The following CFAP69 variants were observed in gnomAD, a reference collection of about 807,000 sequenced individuals.
CFAP69 encodes cilia- and flagella-associated protein 69.
A neutral mutation model predicts 123.0 loss-of-function variants in CFAP69; 92 were observed. The ratio of observed to expected loss-of-function variants is 0.75; its 90% CI spans 0.63 to 0.89. The LOEUF (loss-of-function observed/expected upper bound fraction) is 0.89. Among genes scored for constraint, CFAP69 ranks in the 40% least tolerant of loss-of-function variants. CFAP69 has a pLI of 0.00. For synonymous variants in CFAP69, 380 were observed against 364.3 expected, an observed-to-expected ratio of 1.04 and a Z score of -0.49; for missense variants, 1,067 against 1,096.9, an observed-to-expected ratio of 0.97 and a Z score of 0.39.
At chr7:90,255,214 C>T (rs192221605) in intron 1 of CFAP69, among the ~76,000 whole-genome samples, 9 of 152,282 alleles carry the variant, frequency 5.9e-5, no homozygotes, top group Non-Finnish European at 1.0e-4. Flanking sequence ...TAAGATTATA[C>T]AAAATACTAG....
intron 9 of CFAP69, 43 bp downstream of exon 9, chr7:90,274,153 GT>G (rs760376560): frequency 6.3e-7 from 1 of 1,576,514 alleles, no homozygotes; most frequent in Non-Finnish European, 8.6e-7. Context: ...TGTGGAAGTG[GT>G]GGGCTTGGGT....
intron 21 of CFAP69, among the ~76,000 whole-genome samples, chr7:90,308,843 T>A (rs139196685): frequency 2.0e-5 from 3 of 152,316 alleles, no homozygotes; most frequent in African/African-American, 7.2e-5. Context: ...AATTACATAA[T>A]TTATATTATT....
At position 90,250,462 on chromosome 7, in the gene CFAP69, A is replaced by G. The variant is rs184830242; in HGVS notation, c.120+4918A>G. Among the ~76,000 whole-genome samples, 111 of 152,326 alleles carry G rather than the reference A, an allele frequency of 7.3e-4. 1 individual carries two copies. Among genetic ancestry groups the G allele is most frequent in the African/African-American group, 2.4e-3 (98 of 41,582 alleles). On this transcript the variant is annotated intron_variant, in intron 1 of 22. Transcript: ENST00000389297. ...ATGCCAGACACATGAAAGGACCACTATAAGTGTTAGTCTCTTTCCCTGTAA... is the reference window on the plus strand; with the variant it reads ...ATGCCAGACACATGAAAGGACCACTGTAAGTGTTAGTCTCTTTCCCTGTAA...
At chr7:90,315,985 T>G (rs1282103332), downstream of CFAP69, among the ~76,000 whole-genome samples, 2 of 152,000 alleles carry the variant, frequency 1.3e-5, no homozygotes, top group Non-Finnish European at 2.9e-5. Flanking sequence ...TCCCACCTAC[T>G]TGGGAGGCTG....
downstream of CFAP69, among the ~76,000 whole-genome samples, chr7:90,314,295 T>C (rs1562938118): frequency 6.6e-6 from 1 of 152,154 alleles, no homozygotes; most frequent in East Asian, 1.9e-4. Flanking sequence ...AGTGTATTAG[T>C]TGTGACATAT....
At chr7:90,258,267 A>T in intron 3 of CFAP69, 104 bp downstream of exon 3, 1 of 836,984 alleles carries the variant, frequency 1.2e-6, no homozygotes, top group South Asian at 1.7e-5. Context: ...AAATTACCAT[A>T]AATTTGATGG....
intron 2 of CFAP69, among the ~76,000 whole-genome samples, chr7:90,257,738 A>C (rs1222200898): frequency 6.6e-6 from 1 of 152,128 alleles, no homozygotes; most frequent in Non-Finnish European, 1.5e-5. Flanking sequence ...ATTCCATTGT[A>C]TATATAGACC....
intron 3 of CFAP69, among the ~76,000 whole-genome samples, chr7:90,259,519 C>T (rs1798052362): frequency 6.6e-6 from 1 of 152,132 alleles, no homozygotes; most frequent in African/African-American, 2.4e-5. Context: ...AGTCTCCATC[C>T]AGCCTTAGTT....
At chr7:90,262,244 C>G (rs946017133) in intron 4 of CFAP69, among the ~76,000 whole-genome samples, 188 bp downstream of exon 4, 13 of 152,196 alleles carry the variant, frequency 8.5e-5, no homozygotes, top group African/African-American at 3.1e-4. Context: ...AGATTGCTAG[C>G]CACAAGAGAT....
intron 9 of CFAP69, chr7:90,276,221 A>C (rs1454448834): frequency 1.3e-5 from 2 of 152,260 alleles, no homozygotes; most frequent in Admixed American, 1.3e-4. Flanking sequence ...GACGTCAAGT[A>C]GTCCCAAGAG....
rs544953762 is a variant in CFAP69 at position 90,262,016 on chromosome 7, C to A, written c.316C>A (p.Arg106Ser). 3.8e-5 allele frequency: 61 copies of A among 1,603,102 alleles called. No homozygotes were observed. In the Middle Eastern group the frequency reaches 6.6e-4, roughly 17 times the overall value. The change falls in exon 4 of 23, where the codon CGT (arginine) becomes AGT (serine). Residue 106 changes from arginine (R) to serine (S), a missense_variant. Arg to Ser is a moderately radical substitution (Grantham distance 110). Coordinates refer to ENST00000389297, the MANE Select transcript of CFAP69 (RefSeq NM_001039706.3). Reference sequence around the variant, plus strand: ...TTCAGGAAAAATAAAAAACCAGCCTCGTTTTATAGAATCTGCATATGATAT... The same window carrying A: ...TTCAGGAAAAATAAAAAACCAGCCTAGTTTTATAGAATCTGCATATGATAT... ...LCSGKIKNQP[R>S]FIESAYDIIK...
At chr7:90,267,358 ACT>A (rs1289978703) in intron 5 of CFAP69, among the ~76,000 whole-genome samples, 1 of 152,000 alleles carries the variant, frequency 6.6e-6, no homozygotes, top group Non-Finnish European at 1.5e-5. Flanking sequence ...TTATTCTTTT[ACT>A]CTCAGAGAGT....
chr7:90,272,237 A>C (rs1200083775), intron 8 of CFAP69: 3 of 260,614 alleles, frequency 1.2e-5, no homozygotes, highest in Non-Finnish European at 2.2e-5. Context: ...TATTTCATTT[A>C]TTTATCCAGT....
intron 15 of CFAP69, among the ~76,000 whole-genome samples, chr7:90,291,056 G>C (rs544121395): frequency 3.3e-5 from 5 of 152,040 alleles, no homozygotes; most frequent in African/African-American, 1.2e-4. Context: ...TATAGGAAAG[G>C]GTTCCTGATC....
In CFAP69 at chr7:90,288,494, A is replaced by T. The variant is rs1329532546; in HGVS notation, c.1775+142A>T. On this transcript the variant is annotated intron_variant, in intron 15 of 22. Transcript: ENST00000389297. ...ATAGGATGTAGTTACACAAACATAGATGGTATAGCCTACTACACACTTAGG... is the reference window on the plus strand; with the variant it reads ...ATAGGATGTAGTTACACAAACATAGTTGGTATAGCCTACTACACACTTAGG... 3 of 951,034 alleles carry T rather than the reference A, an allele frequency of 3.2e-6. No homozygotes were observed. In the African/African-American group the frequency reaches 4.9e-5, roughly 16 times the overall value. The allele number at this position is 951,034 out of a possible 1,614,324, so 58.9% of individuals were successfully genotyped here.
chr7:90,302,946 T>C, intron 17 of CFAP69: 1 of 152,242 alleles, frequency 6.6e-6, no homozygotes, highest in East Asian at 1.9e-4. Flanking sequence ...TTCCTATCCT[T>C]GAGCATGGGA....
intron 12 of CFAP69, among the ~76,000 whole-genome samples, chr7:90,281,525 G>T: frequency 6.6e-6 from 1 of 152,094 alleles, no homozygotes; most frequent in East Asian, 1.9e-4. Context: ...TGAGGGAAGG[G>T]TGGTGTTGGG....
chr7:90,291,524 A>G (rs1425646471), intron 15 of CFAP69, among the ~76,000 whole-genome samples: 1 of 152,178 alleles, frequency 6.6e-6, no homozygotes, highest in Admixed American at 6.6e-5. Flanking sequence ...AATGCAGCAC[A>G]GTAGGTCTCA....
chr7:90,281,552 G>A (rs1032959637), intron 12 of CFAP69, among the ~76,000 whole-genome samples: 1 of 151,976 alleles, frequency 6.6e-6, no homozygotes, highest in Admixed American at 6.6e-5. Context: ...GGTCCTCCAT[G>A]TGAAAAAATA....
Sources: gnomAD v4.1 joint callset for allele counts (sites outside exome capture counted in the v4.1 genomes callset) on GRCh38, gnomAD v4.1.1 for gene constraint, MANE v1.5 for transcripts, NCBI Gene and HGNC (gene_info 2026-07-23, HGNC 2026-07-21) for gene names.